The following NUS1 variants were observed in gnomAD, a reference collection of about 807,000 sequenced individuals.
The protein encoded by NUS1 is dehydrodolichyl diphosphate synthase complex subunit NUS1.
For missense variants in NUS1, 292 were observed against 382.9 expected, an observed-to-expected ratio of 0.76 and a Z score of 1.98; for synonymous variants, 135 against 155.2, an observed-to-expected ratio of 0.87 and a Z score of 0.97.
intron 3 of NUS1, among the ~76,000 whole-genome samples, chr6:117,695,108 A>G (rs1773297017): frequency 7.3e-6 from 1 of 137,642 alleles, no homozygotes; most frequent in African/African-American, 2.6e-5. Context: ...GCAGGAGTAT[A>G]GTTTGAGTTC....
intron 3 of NUS1, among the ~76,000 whole-genome samples, chr6:117,696,001 G>T (rs1051077786): frequency 1.3e-5 from 2 of 151,984 alleles, no homozygotes; most frequent in Non-Finnish European, 2.9e-5. Context: ...CTGTATGACT[G>T]TTTGTGTACA....
chr6:117,681,773 ATCCTGAAATG>A (rs1268427190), intron 1 of NUS1, among the ~76,000 whole-genome samples: 5 of 152,154 alleles, frequency 3.3e-5, no homozygotes, highest in Non-Finnish European at 7.3e-5. Flanking sequence ...TTATCTTAAC[ATCCTGAAATG>A]TCCTCTTCAC....
intron 3 of NUS1, among the ~76,000 whole-genome samples, chr6:117,697,531 T>C (rs1325350958): frequency 6.6e-6 from 1 of 152,086 alleles, no homozygotes; most frequent in African/African-American, 2.4e-5. Context: ...AAAAGATATT[T>C]CAAGACAAAA....
chr6:117,677,015 T>C (rs929399867), intron 1 of NUS1, among the ~76,000 whole-genome samples: 1 of 152,210 alleles, frequency 6.6e-6, no homozygotes, highest in African/African-American at 2.4e-5. Context: ...TTGTGATCCT[T>C]CATCATCAGT....
intron 3 of NUS1, 70 bp from the exon 4 acceptor site, chr6:117,703,535 T>G: frequency 9.0e-7 from 1 of 1,113,776 alleles, no homozygotes; most frequent in Non-Finnish European, 1.4e-6. Flanking sequence ...CCATGATCTG[T>G]GTGTTTCTGT....
chr6:117,686,259 A>G (rs1773139047), intron 1 of NUS1, among the ~76,000 whole-genome samples: 1 of 143,058 alleles, frequency 7.0e-6, no homozygotes, highest in Non-Finnish European at 1.6e-5. Context: ...GATTCCGTCT[A>G]AAAAAAAAAA....
intron 3 of NUS1, among the ~76,000 whole-genome samples, chr6:117,701,068 T>G (rs1773400750): frequency 6.6e-6 from 1 of 151,576 alleles, no homozygotes; most frequent in South Asian, 2.1e-4. Context: ...CAGGGTCCTT[T>G]GCATTTTTCT....
intron 3 of NUS1, among the ~76,000 whole-genome samples, chr6:117,695,026 C>G (rs558647701): frequency 5.3e-5 from 8 of 151,752 alleles, no homozygotes; most frequent in African/African-American, 1.9e-4. Context: ...AAAACCCCAT[C>G]TCTACAAAAA....
chr6:117,685,689 A>C (rs1773126912), intron 1 of NUS1, among the ~76,000 whole-genome samples: 1 of 152,166 alleles, frequency 6.6e-6, no homozygotes, highest in Non-Finnish European at 1.5e-5. Flanking sequence ...TATAGTTTAC[A>C]TTTGGGAAAT....
rs2114682156 is a variant in NUS1 at position 117,686,646 on chromosome 6, G to A, written c.416-6396G>A. Among the ~76,000 whole-genome samples, 4 of 152,132 alleles carry A rather than the reference G, an allele frequency of 2.6e-5. No homozygotes were observed. The Middle Eastern group carries it at 0.014, about 517-fold the overall frequency. ...AATCAGTTATTTCTGAATGAATATG[G>A]CCTTAGCTTCCTTTTACATAAAATA... On this transcript the variant is annotated intron_variant, in intron 1 of 4. Coordinates refer to ENST00000368494, the MANE Select transcript of NUS1 (RefSeq NM_138459.5).
rs190516589 is a variant in NUS1 at position 117,680,619 on chromosome 6, A to G, written c.415+4534A>G. Among the ~76,000 whole-genome samples, 17 of 152,336 alleles carry G rather than the reference A, an allele frequency of 1.1e-4. No homozygotes were observed. The East Asian group carries it at 3.3e-3, about 29-fold the overall frequency. On this transcript the variant is annotated intron_variant, in intron 1 of 4. Transcript: ENST00000368494. ...CTGGGACCTGGGCGTCTCTGTTTTT[A>G]TCAAGCTACCTGTATGATACTTCTG...
rs56080181 is a variant in NUS1, at chr6:117,686,852, A to ATGTG, written c.416-6146_416-6143dup. 4.1e-3 allele frequency among the ~76,000 whole-genome samples: 571 copies of ATGTG among 139,388 alleles called. 4 individuals are homozygous for ATGTG. Among genetic ancestry groups the ATGTG allele is most frequent in the Admixed American group, 4.9e-3 (69 of 14,174 alleles). The allele number at this position is 139,388 out of a possible 152,430, so 91.4% of individuals were successfully genotyped here. ...TTCTTGTGTATCATGTGAAGTGTGT[A>ATGTG]TGTGTGTGTGTGTGTGTGTGTGTGT... On this transcript the variant is annotated intron_variant, in intron 1 of 4. Transcript: ENST00000368494.
chr6:117,707,341 A>C lies in NUS1; in HGVS notation c.*326A>C, dbSNP rs1773515636. ...CACACTTAAAGTCTTCAGCCCAGCT[A>C]CTTCCCTATTTTTGTGGGGAGAAGA... On this transcript the variant is annotated 3_prime_UTR_variant, in exon 5 of 5. Transcript: ENST00000368494. 3.9e-6 allele frequency: 1 copy of C among 255,922 alleles called. No individual in the cohort carries two copies. The highest frequency in any genetic ancestry group is 2.3e-5 in the African/African-American group (1 of 44,306). The allele number at this position is 255,922 out of a possible 1,614,324, so 15.9% of individuals were successfully genotyped here. A position where few individuals can be genotyped will look rare whatever the true frequency, so the allele number is the denominator to read the frequency against.
intron 1 of NUS1, among the ~76,000 whole-genome samples, chr6:117,692,377 G>A (rs1639163704): frequency 6.6e-6 from 1 of 151,892 alleles, no homozygotes; most frequent in South Asian, 2.1e-4. Context: ...GCTCTTACTA[G>A]TTTTACATTA....
At chr6:117,688,791 T>C (rs1490398650) in intron 1 of NUS1, among the ~76,000 whole-genome samples, 1 of 152,220 alleles carries the variant, frequency 6.6e-6, no homozygotes, top group Non-Finnish European at 1.5e-5. Context: ...AAAATTTTAA[T>C]GTTTTGTTCA....
intron 1 of NUS1, among the ~76,000 whole-genome samples, chr6:117,682,646 G>A (rs911023702): frequency 6.6e-5 from 10 of 152,110 alleles, no homozygotes; most frequent in Non-Finnish European, 1.2e-4. Context: ...ATTATCCTTT[G>A]TTGAACTTTT....
chr6:117,678,623 T>C (rs1773017157), intron 1 of NUS1, among the ~76,000 whole-genome samples: 1 of 151,406 alleles, frequency 6.6e-6, no homozygotes, highest in Non-Finnish European at 1.5e-5. Context: ...TATGTAAGAA[T>C]CACTCAGAGG....
Position 117,707,733 on chromosome 6 carries a change from C to G in NUS1, c.*718C>G, listed in dbSNP as rs906731981. The G allele has an allele frequency of 2.7e-5, 4 of 150,788 alleles. No homozygotes were observed. The highest frequency in any genetic ancestry group is 2.0e-4 in the Admixed American group (3 of 15,008). 9.3% of individuals were successfully genotyped at this position (150,788 alleles called of 1,614,324 possible). On this transcript the variant is annotated 3_prime_UTR_variant, in exon 5 of 5. Coordinates refer to ENST00000368494, the MANE Select transcript of NUS1 (RefSeq NM_138459.5). Reference sequence around the variant, plus strand: ...TTGCTCTGGTATTCTGAGAGTTGCTCTGTATTCTGGGTTCTGAAGATTATT... The same window carrying G: ...TTGCTCTGGTATTCTGAGAGTTGCTGTGTATTCTGGGTTCTGAAGATTATT...
At chr6:117,688,229 T>C (rs949300809) in intron 1 of NUS1, among the ~76,000 whole-genome samples, 1 of 152,068 alleles carries the variant, frequency 6.6e-6, no homozygotes, top group African/African-American at 2.4e-5. Flanking sequence ...CTTAAAAATA[T>C]GTGTGTGTAT....
Sources: gnomAD v4.1 joint callset for allele counts (sites outside exome capture counted in the v4.1 genomes callset) on GRCh38, gnomAD v4.1.1 for gene constraint, MANE v1.5 for transcripts, NCBI Gene and HGNC (gene_info 2026-07-23, HGNC 2026-07-21) for gene names.